The following MCEE variants were observed in gnomAD, a reference collection of about 807,000 sequenced individuals.
MCEE encodes the protein methylmalonyl-CoA epimerase.
MCEE carries 6 observed loss-of-function variants against 12.9 expected under a neutral mutation model. That is an observed-to-expected ratio of 0.47 (90% CI 0.26 to 0.92). MCEE has a LOEUF of 0.92. Ranked by LOEUF, MCEE falls within the 40% of genes least tolerant of loss-of-function variation. The pLI is 0.16. For missense variants in MCEE, 214 were observed against 212.1 expected (o/e 1.01, Z -0.05); for synonymous variants, 78 against 77.9 (o/e 1.00, Z -0.01).
chr2:71,130,108 C>A, intron 1 of MCEE, 72 bp downstream of exon 1: 1 of 1,478,384 alleles, frequency 6.8e-7, no homozygotes, highest in Non-Finnish European at 9.3e-7. Context: ...CACGCCGAGG[C>A]CTCCTCCGCC....
At chr2:71,128,579 G>T (rs1033572789) in intron 1 of MCEE, among the ~76,000 whole-genome samples, 9 of 151,802 alleles carry the variant, frequency 5.9e-5, no homozygotes, top group Non-Finnish European at 1.3e-4. Flanking sequence ...GCCCAGGCTG[G>T]AGTGCAGTGG....
intron 2 of MCEE, among the ~76,000 whole-genome samples, chr2:71,111,060 T>C (rs754885825): frequency 7.2e-5 from 11 of 152,254 alleles, no homozygotes; most frequent in Non-Finnish European, 1.5e-4. Flanking sequence ...AAGGATTATA[T>C]GCTGAATTCT....
At chr2:71,120,815 G>C (rs559481265) in intron 2 of MCEE, among the ~76,000 whole-genome samples, 71 of 151,762 alleles carry the variant, frequency 4.7e-4, no homozygotes, top group African/African-American at 1.5e-3. Context: ...TTGGCTCACT[G>C]CAACCTCTGC....
At chr2:71,123,646 A>C (rs969867378) in intron 2 of MCEE, among the ~76,000 whole-genome samples, 2 of 152,194 alleles carry the variant, frequency 1.3e-5, no homozygotes, top group Admixed American at 6.5e-5. Flanking sequence ...CATCTATAGA[A>C]ATGTTCTCTA....
chr2:71,125,368 C>T (rs1182630590), intron 1 of MCEE, among the ~76,000 whole-genome samples: 1 of 151,414 alleles, frequency 6.6e-6, no homozygotes, highest in African/African-American at 2.4e-5. Flanking sequence ...GCCACATGCC[C>T]GGCTAATGTT....
At chr2:71,125,732 G>A (rs1215913172) in intron 1 of MCEE, among the ~76,000 whole-genome samples, 1 of 152,120 alleles carries the variant, frequency 6.6e-6, no homozygotes, top group East Asian at 1.9e-4. Flanking sequence ...CATTCATTTA[G>A]CAAACAGTCA....
At chr2:71,122,053 G>T (rs1558746654) in intron 2 of MCEE, among the ~76,000 whole-genome samples, 1 of 152,176 alleles carries the variant, frequency 6.6e-6, no homozygotes, top group South Asian at 2.1e-4. Flanking sequence ...GCCCTCACAG[G>T]GTAGCTATGA....
intron 2 of MCEE, among the ~76,000 whole-genome samples, chr2:71,118,723 G>A (rs576978130): frequency 6.7e-6 from 1 of 149,968 alleles, no homozygotes; most frequent in Non-Finnish European, 1.5e-5. Context: ...ATCTCCCTAA[G>A]GCCCCACCTC....
At chr2:71,113,989 A>G (rs1363442706) in intron 2 of MCEE, among the ~76,000 whole-genome samples, 3 of 152,194 alleles carry the variant, frequency 2.0e-5, no homozygotes, top group Admixed American at 6.5e-5. Context: ...TATCACACAA[A>G]TCTCAACTGA....
intron 2 of MCEE, among the ~76,000 whole-genome samples, chr2:71,122,854 A>G (rs1242497159): frequency 6.6e-6 from 1 of 152,238 alleles, no homozygotes; most frequent in East Asian, 1.9e-4. Flanking sequence ...TCTGCCTGAA[A>G]TAACTTTCTC....
chr2:71,115,233 A>G (rs1360391935), intron 2 of MCEE, among the ~76,000 whole-genome samples: 1 of 152,086 alleles, frequency 6.6e-6, no homozygotes, highest in African/African-American at 2.4e-5. Flanking sequence ...TCTATAATCA[A>G]TCAATCAGTC....
rs748574475 is a variant in MCEE, at chr2:71,124,209, G to A, written c.375C>T (p.Ile125=). ...NKAGGMHHIC[I]EVDNINAAVM... ...GGCATTAAAATAATTAAAATACCTC[G>A]ATGCAGATGTGATGCATTCCTCCAG... The change falls in exon 2 of 3, where the codon ATC becomes ATT. Residue 125 remains isoleucine (I), a synonymous_variant. Transcript: ENST00000244217. The A allele has an allele frequency of 6.5e-5, 105 of 1,607,796 alleles. No homozygotes were observed. Among genetic ancestry groups the A allele is most frequent in the Middle Eastern group, 3.3e-4 (2 of 6,068 alleles).
At position 71,125,209 on chromosome 2, in the gene MCEE, A is replaced by ATTTTTTT. The variant is rs1449400615; in HGVS notation, c.41-667_41-666insAAAAAAA. ...TATAAATATATATATATATATATAT[A>ATTTTTTT]TATTTTTTTTTTTTTTTGAGACGGA... is the stretch of plus-strand genomic sequence containing the variant. On this transcript the variant is annotated intron_variant, in intron 1 of 2. Transcript: ENST00000244217. Among the ~76,000 whole-genome samples, 18 of 48,164 alleles carry ATTTTTTT rather than the reference A, an allele frequency of 3.7e-4. 1 individual carries two copies. Among genetic ancestry groups the ATTTTTTT allele is most frequent in the Admixed American group, 6.5e-4 (2 of 3,078 alleles). 31.6% of individuals were successfully genotyped at this position (48,164 alleles called of 152,430 possible).
chr2:71,126,652 C>T (rs959241051), intron 1 of MCEE, among the ~76,000 whole-genome samples: 1 of 139,998 alleles, frequency 7.1e-6, no homozygotes, highest in Non-Finnish European at 1.5e-5. Context: ...GGGTAGAGAA[C>T]ACTGAATAAA....
chr2:71,116,703 T>A (rs1237922109), intron 2 of MCEE: 1 of 149,424 alleles, frequency 6.7e-6, no homozygotes, highest in Non-Finnish European at 1.5e-5. Flanking sequence ...CGTGCCACCA[T>A]GGCTAATTTT....
At chr2:71,118,054 T>C (rs1025915235) in intron 2 of MCEE, among the ~76,000 whole-genome samples, 2 of 150,144 alleles carry the variant, frequency 1.3e-5, no homozygotes, top group Admixed American at 1.3e-4. Context: ...CCTCCTTGCC[T>C]TTTGTGGGAT....
intron 2 of MCEE, 47 bp from the exon 3 acceptor site, chr2:71,110,169 C>T: frequency 1.3e-6 from 2 of 1,554,100 alleles, no homozygotes; most frequent in South Asian, 1.1e-5. Flanking sequence ...CATAAAAATA[C>T]CAACTTATAG....
intron 1 of MCEE, among the ~76,000 whole-genome samples, chr2:71,125,188 A>ATAT (rs1673191937): frequency 1.5e-5 from 1 of 65,684 alleles, no homozygotes; most frequent in Non-Finnish European, 3.3e-5. Context: ...TATATATATA[A>ATAT]ATATATATAT....
At chr2:71,117,244 T>A (rs1169354733) in intron 2 of MCEE, among the ~76,000 whole-genome samples, 1 of 150,570 alleles carries the variant, frequency 6.6e-6, no homozygotes, top group East Asian at 1.9e-4. Flanking sequence ...TCACTTTACA[T>A]AGGGTTCAGA....
Sources: allele counts gnomAD v4.1 joint callset (sites outside exome capture counted in the v4.1 genomes callset), GRCh38; gene constraint gnomAD v4.1.1; transcripts MANE v1.5; gene names NCBI Gene and HGNC (gene_info 2026-07-23, HGNC 2026-07-21).